The following GUCY1A2 variants were observed in gnomAD, a reference collection of about 807,000 sequenced individuals.
GUCY1A2 encodes the protein guanylate cyclase 1 soluble subunit alpha 2.
Under a neutral mutation model 63.5 loss-of-function variants are expected in GUCY1A2, and 27 were observed. The observed-to-expected ratio is 0.43, with a 90% CI of 0.31 to 0.59. The LOEUF is 0.59. Among genes scored for constraint, GUCY1A2 ranks in the 20% least tolerant of loss-of-function variants. GUCY1A2 has a pLI of 0.11. For missense variants in GUCY1A2, 768 were observed against 913.3 expected (o/e 0.84, Z 2.05); for synonymous variants, 364 against 343.5 (o/e 1.06, Z -0.66).
rs546116323 is a variant in GUCY1A2, at chr11:106,755,241, TTCTTA to T, written c.1836+21193_1836+21197del. ...TGTGTCTATTTGATTCTTATCTCTT[TTCTTA>T]TTAGTCTTGCTAGCAGTCTGTCTAT... On this transcript the variant is annotated intron_variant, in intron 6 of 7. Transcript: ENST00000526355. Among the ~76,000 whole-genome samples, 770 of 152,262 alleles carry T rather than the reference TTCTTA, an allele frequency of 5.1e-3. 6 individuals carry two copies. The highest frequency in any genetic ancestry group is 0.014 in the Middle Eastern group (4 of 292).
intron 4 of GUCY1A2, among the ~76,000 whole-genome samples, chr11:106,932,977 T>C (rs911476591): frequency 9.9e-5 from 15 of 152,072 alleles, no homozygotes; most frequent in African/African-American, 3.6e-4. Flanking sequence ...TCAAGATGGA[T>C]TAAATATTTA....
At chr11:106,977,732 C>A (rs1861280757) in intron 3 of GUCY1A2, among the ~76,000 whole-genome samples, 1 of 151,944 alleles carries the variant, frequency 6.6e-6, no homozygotes, top group African/African-American at 2.4e-5. Context: ...ACTGGTTTGC[C>A]CTATTGTCCA....
chr11:107,010,296 T>G (rs1289195926), intron 1 of GUCY1A2, among the ~76,000 whole-genome samples: 1 of 152,204 alleles, frequency 6.6e-6, no homozygotes, highest in African/African-American at 2.4e-5. Context: ...TTAAGGGCCA[T>G]AATTATGTCA....
intron 4 of GUCY1A2, 87 bp from the exon 5 acceptor site, chr11:106,810,565 A>C: frequency 8.7e-7 from 1 of 1,148,498 alleles, no homozygotes; most frequent in South Asian, 1.7e-5. Context: ...ATAGAAAGAA[A>C]AAATGTTTTA....
At chr11:106,919,845 A>T (rs1168348105) in intron 4 of GUCY1A2, among the ~76,000 whole-genome samples, 2 of 152,174 alleles carry the variant, frequency 1.3e-5, no homozygotes, top group African/African-American at 4.8e-5. Flanking sequence ...TTCATTTCTT[A>T]AAATCTGAGC....
intron 6 of GUCY1A2, among the ~76,000 whole-genome samples, chr11:106,757,734 A>C (rs1207521581): frequency 6.6e-6 from 1 of 152,180 alleles, no homozygotes; most frequent in Non-Finnish European, 1.5e-5. Context: ...GCTTTGTCCC[A>C]GAGGGGCACC....
Position 106,675,864 on chromosome 11 carries a change from G to A in GUCY1A2, c.*11685C>T, listed in dbSNP as rs577578117. On this transcript the variant is annotated 3_prime_UTR_variant, in exon 8 of 8. Coordinates refer to ENST00000526355, the MANE Select transcript of GUCY1A2 (RefSeq NM_000855.3). The stretch of plus-strand genomic sequence containing the variant: ...TAAACAAAAGTTAACAGAGAAATTC[G>A]TCCCTTTTGAAGTTTTAATTTTTTT... The A allele has an allele frequency of 1.3e-4, 24 of 187,030 alleles. No individual in the cohort carries two copies. Among genetic ancestry groups the A allele is most frequent in the African/African-American group, 4.0e-4 (17 of 42,794 alleles). 11.6% of individuals were successfully genotyped at this position (187,030 alleles called of 1,614,324 possible).
intron 1 of GUCY1A2, among the ~76,000 whole-genome samples, chr11:107,017,426 A>T (rs2120228120): frequency 6.6e-6 from 1 of 152,324 alleles, no homozygotes; most frequent in Non-Finnish European, 1.5e-5. Flanking sequence ...GAAAGAAAAC[A>T]GGTGGGTGTG....
chr11:106,759,440 A>G (rs947555291), intron 6 of GUCY1A2, among the ~76,000 whole-genome samples: 4 of 152,192 alleles, frequency 2.6e-5, no homozygotes, highest in Non-Finnish European at 5.9e-5. Context: ...TCTTTTCTAG[A>G]TAAGAAGGTA....
chr11:106,938,494 T>C (rs1417209981), intron 4 of GUCY1A2, among the ~76,000 whole-genome samples: 1 of 152,114 alleles, frequency 6.6e-6, no homozygotes, highest in East Asian at 1.9e-4. Context: ...ATAGCTTCCC[T>C]CAAATGCTTG....
chr11:106,970,160 A>G (rs1180727166), intron 3 of GUCY1A2, among the ~76,000 whole-genome samples: 3 of 152,174 alleles, frequency 2.0e-5, no homozygotes, highest in Admixed American at 2.0e-4. Context: ...GAGCATAACG[A>G]TATTAACAAA....
intron 2 of GUCY1A2, among the ~76,000 whole-genome samples, chr11:106,981,477 C>CA (rs61474144): frequency 0.098 from 12,795 of 130,620 alleles, 934 homozygotes; most frequent in East Asian, 0.3. Flanking sequence ...CTTATTCTGG[C>CA]AAAAAAAAAA....
At chr11:106,920,686 C>A (rs548541303) in intron 4 of GUCY1A2, among the ~76,000 whole-genome samples, 2 of 152,066 alleles carry the variant, frequency 1.3e-5, no homozygotes, top group Non-Finnish European at 2.9e-5. Context: ...ACTAAAGCAA[C>A]CCCTGTAAGC....
chr11:106,810,898 C>A lies in GUCY1A2; in HGVS notation c.1207-420G>T, dbSNP rs926937926. Among the ~76,000 whole-genome samples, 3 of 152,016 alleles carry A rather than the reference C, an allele frequency of 2.0e-5. 1 individual carries two copies. The highest frequency in any genetic ancestry group is 7.2e-5 in the African/African-American group (3 of 41,410). On this transcript the variant is annotated intron_variant, in intron 4 of 7. Transcript: ENST00000526355. ...ACTGTCATTAAAATAATACCCCTTT[C>A]AGAAAATAAATCCAGGAGGTTAAAA...
chr11:106,743,488 T>G (rs1192093367), intron 6 of GUCY1A2, among the ~76,000 whole-genome samples: 1 of 152,162 alleles, frequency 6.6e-6, no homozygotes, highest in Non-Finnish European at 1.5e-5. Flanking sequence ...AAATAAAATG[T>G]CACAAGTGCA....
chr11:106,792,441 G>C (rs1167770141), intron 5 of GUCY1A2, among the ~76,000 whole-genome samples: 5 of 150,906 alleles, frequency 3.3e-5, no homozygotes, highest in Non-Finnish European at 1.5e-5. Flanking sequence ...TTATCCCTGG[G>C]TTGCAAGGTT....
At chr11:106,870,551 C>T (rs1263678087) in intron 4 of GUCY1A2, among the ~76,000 whole-genome samples, 1 of 151,952 alleles carries the variant, frequency 6.6e-6, no homozygotes, top group Non-Finnish European at 1.5e-5. Flanking sequence ...GTTGTTGTTA[C>T]TTGTTTGTTT....
chr11:106,811,604 T>C (rs1858763278), intron 4 of GUCY1A2, among the ~76,000 whole-genome samples: 2 of 152,100 alleles, frequency 1.3e-5, no homozygotes, highest in Non-Finnish European at 2.9e-5. Flanking sequence ...TATTGGGATC[T>C]GGATTTTTAA....
chr11:106,994,983 T>A (rs1418199693), intron 1 of GUCY1A2, among the ~76,000 whole-genome samples: 1 of 152,122 alleles, frequency 6.6e-6, no homozygotes, highest in African/African-American at 2.4e-5. Context: ...CACGGCCAAT[T>A]TGGTTCAGTG....
Sources: allele counts gnomAD v4.1 joint callset (sites outside exome capture counted in the v4.1 genomes callset), GRCh38; gene constraint gnomAD v4.1.1; transcripts MANE v1.5; gene names NCBI Gene and HGNC (gene_info 2026-07-23, HGNC 2026-07-21).